The following RYR3 variants were observed in gnomAD, a reference collection of about 807,000 sequenced individuals.
RYR3 encodes the protein brain ryanodine receptor-calcium release channel.
Under a neutral mutation model 584.3 loss-of-function variants are expected in RYR3, and 207 were observed. The observed-to-expected ratio is 0.35, with a 90% CI of 0.32 to 0.40. The LOEUF (loss-of-function observed/expected upper bound fraction) is 0.40. Ranked by LOEUF, RYR3 falls within the 10% of genes least tolerant of loss-of-function variation. RYR3 has a pLI of 1.00. For missense variants in RYR3, 5,616 were observed against 6,089.2 expected, an observed-to-expected ratio of 0.92 and a Z score of 2.59; for synonymous variants, 2,416 against 2,248.5, an observed-to-expected ratio of 1.07 and a Z score of -2.11.
At chr15:33,777,030 A>T (rs114493932) in intron 64 of RYR3, among the ~76,000 whole-genome samples, 2,790 of 152,288 alleles carry the variant, frequency 0.018, 93 homozygotes, top group African/African-American at 0.064. Context: ...GGCTACAAAA[A>T]TTTTTTAAAT....
chr15:33,482,141 T>C (rs1171765418), intron 2 of RYR3, among the ~76,000 whole-genome samples: 1 of 152,126 alleles, frequency 6.6e-6, no homozygotes, highest in Non-Finnish European at 1.5e-5. Flanking sequence ...GGGGACAAAC[T>C]CTCCAAGCTT....
intron 57 of RYR3, among the ~76,000 whole-genome samples, chr15:33,751,218 A>G (rs2071268633): frequency 6.6e-6 from 1 of 152,210 alleles, no homozygotes. Flanking sequence ...TCTTTATAGT[A>G]GAATAATTTA....
chr15:33,818,545 A>G (rs1203483119), intron 75 of RYR3, 33 bp from the exon 76 acceptor site: 1 of 1,516,482 alleles, frequency 6.6e-7, no homozygotes, highest in Non-Finnish European at 9.2e-7. Context: ...GATTAAATTC[A>G]TGCCTAAAAC....
intron 23 of RYR3, among the ~76,000 whole-genome samples, chr15:33,632,312 A>G (rs1298907246): frequency 2.0e-5 from 3 of 152,196 alleles, no homozygotes; most frequent in Non-Finnish European, 4.4e-5. Flanking sequence ...TTCACTCCGC[A>G]GTGTGCCCTA....
At chr15:33,749,766 C>CA (rs746566783) in intron 55 of RYR3, among the ~76,000 whole-genome samples, 4 of 152,222 alleles carry the variant, frequency 2.6e-5, no homozygotes, top group South Asian at 4.2e-4. Flanking sequence ...AAGGGAAGGA[C>CA]AGAGTTAGAA....
chr15:33,606,659 A>G (rs2059921023), intron 18 of RYR3, among the ~76,000 whole-genome samples: 1 of 152,142 alleles, frequency 6.6e-6, no homozygotes, highest in South Asian at 2.1e-4. Context: ...TTCTCTTTGG[A>G]GGAATGGCTC....
At chr15:33,659,617 G>C in intron 32 of RYR3, 103 bp from the exon 33 acceptor site, 1 of 728,240 alleles carries the variant, frequency 1.4e-6, no homozygotes, top group Non-Finnish European at 2.5e-6. Context: ...CAGACAGCTA[G>C]CAGTCATTGG....
rs2078149036 is a variant in RYR3 at position 33,838,061 on chromosome 15, C to G, written c.12081C>G (p.Pro4027=). 2 of 1,613,854 alleles carry G rather than the reference C, an allele frequency of 1.2e-6. No homozygotes were observed. The highest frequency in any genetic ancestry group is 1.3e-5 in the African/African-American group (1 of 74,916). The change falls in exon 89 of 104, where the codon CCC becomes CCG. Residue 4027 remains proline (P), a synonymous_variant. Transcript: ENST00000634891. ...AAAGTGTGCTAAATTACTTCGAACC[C>G]TACCTAGGACGCATCGAGATCATGG... ...PAESVLNYFE[P]YLGRIEIMGG... is the part of the protein sequence containing the mutation.
chr15:33,448,816 G>C (rs1050214117), intron 1 of RYR3, among the ~76,000 whole-genome samples: 2 of 152,122 alleles, frequency 1.3e-5, no homozygotes, highest in African/African-American at 4.8e-5. Flanking sequence ...TGTGCAGTCA[G>C]CTCCTGAGGG....
intron 1 of RYR3, among the ~76,000 whole-genome samples, chr15:33,466,598 C>G (rs952325948): frequency 6.6e-6 from 1 of 152,138 alleles, no homozygotes; most frequent in Non-Finnish European, 1.5e-5. Flanking sequence ...GGACACTGGA[C>G]GAGTTATTCT....
At chr15:33,425,797 A>G (rs1383973783) in intron 1 of RYR3, among the ~76,000 whole-genome samples, 2 of 151,482 alleles carry the variant, frequency 1.3e-5, no homozygotes, top group East Asian at 2.0e-4. Context: ...GCCCGCCACC[A>G]CACCCGGCTA....
At chr15:33,450,890 G>A (rs2047074524) in intron 1 of RYR3, among the ~76,000 whole-genome samples, 1 of 152,054 alleles carries the variant, frequency 6.6e-6, no homozygotes, top group South Asian at 2.1e-4. Flanking sequence ...GTGGCTTTCT[G>A]GCTTACAAGT....
At chr15:33,853,706 A>C (rs896035528) in intron 96 of RYR3, 24 bp downstream of exon 96, 1 of 1,606,878 alleles carries the variant, frequency 6.2e-7, no homozygotes, top group Admixed American at 1.7e-5. Context: ...AGGAGTTCAA[A>C]TCCAAAGCAG....
chr15:33,614,874 C>G (rs928803786), intron 19 of RYR3, among the ~76,000 whole-genome samples: 1 of 152,020 alleles, frequency 6.6e-6, no homozygotes, highest in Non-Finnish European at 1.5e-5. Flanking sequence ...ATAGTACCAC[C>G]TAGAGATAAT....
rs1290227876 is a variant in RYR3, at chr15:33,311,193, GC to G, written c.51+100del. On this transcript the variant is annotated intron_variant, in intron 1 of 103. Coordinates refer to ENST00000634891, the MANE Select transcript of RYR3 (RefSeq NM_001036.6). The surrounding 1 kb of genome is among the most constrained non-coding windows in gnomAD (Gnocchi z 4.4). ...GCTGCGCTGCGCCGCGGTGCCGGGTGCCCGGTGCCGGGCGCTTTCTCCGCAC... is the reference window on the plus strand; with the variant it reads ...GCTGCGCTGCGCCGCGGTGCCGGGTGCCGGTGCCGGGCGCTTTCTCCGCAC... The G allele has an allele frequency of 1.0e-6, 1 of 956,494 alleles. No homozygotes were observed. The highest frequency in any genetic ancestry group is 3.3e-5 in the East Asian group (1 of 29,854). 59.3% of individuals were successfully genotyped at this position (956,494 alleles called of 1,614,324 possible).
intron 1 of RYR3, among the ~76,000 whole-genome samples, chr15:33,336,445 A>G (rs1567046188): frequency 1.8e-3 from 17 of 9,628 alleles, no homozygotes; most frequent in South Asian, 6.0e-3. Context: ...AAAGAAAGAG[A>G]GAGAGAGAGA....
intron 75 of RYR3, among the ~76,000 whole-genome samples, chr15:33,817,630 C>G (rs1208817137): frequency 6.6e-6 from 1 of 152,200 alleles, no homozygotes. Flanking sequence ...AAATGTCTTT[C>G]ACTTTCTATC....
chr15:33,618,613 G>C (rs1333266832), intron 19 of RYR3, among the ~76,000 whole-genome samples: 1 of 152,218 alleles, frequency 6.6e-6, no homozygotes, highest in East Asian at 1.9e-4. Context: ...GTCAGCAAAA[G>C]CTGGCTCATT....
At chr15:33,586,775 A>G (rs946181046) in intron 16 of RYR3, among the ~76,000 whole-genome samples, 5 of 152,180 alleles carry the variant, frequency 3.3e-5, no homozygotes, top group Admixed American at 2.6e-4. Flanking sequence ...TTATGAAGTT[A>G]TATCTCTAAA....
Sources: allele counts gnomAD v4.1 joint callset (sites outside exome capture counted in the v4.1 genomes callset), GRCh38; gene constraint gnomAD v4.1.1; non-coding constraint Gnocchi (gnomAD v3.1); transcripts MANE v1.5; gene names NCBI Gene and HGNC (gene_info 2026-07-23, HGNC 2026-07-21).